The following PAK5 variants were observed in gnomAD, a reference collection of about 807,000 sequenced individuals.
PAK5 encodes the protein p21 (RAC1) activated kinase 5.
In PAK5, 16 loss-of-function variants were observed where a neutral mutation model predicts 65.9. That is an observed-to-expected ratio of 0.24 (90% CI 0.16 to 0.37). The LOEUF (loss-of-function observed/expected upper bound fraction) is 0.37, where lower values mean the gene tolerates loss of function less well. Ranked by LOEUF, PAK5 falls within the 10% of genes least tolerant of loss-of-function variation. PAK5 has a pLI of 1.00. For missense variants in PAK5, 785 were observed against 903.9 expected, an observed-to-expected ratio of 0.87 and a Z score of 1.69; for synonymous variants, 371 against 354.9, an observed-to-expected ratio of 1.05 and a Z score of -0.51.
rs575889963 is a variant in PAK5, at chr20:9,539,602, G to A, written c.2020C>T (p.Arg674Trp). The change falls in exon 10 of 10, where the codon CGG becomes TGG. Residue 674 changes from arginine to tryptophan, a missense_variant. Arg to Trp is a moderately radical substitution (Grantham distance 101). This residue lies in a region of PAK5 where 110 missense variants were observed against 107.4 expected (regional missense o/e 1.02). Transcript: ENST00000353224. ...ACCAACATCAAGTCTAGGAATCCCCGGAGCACTGAAGAAACCTGTGAAAAC... is the reference window on the plus strand; with the variant it reads ...ACCAACATCAAGTCTAGGAATCCCCAGAGCACTGAAGAAACCTGTGAAAAC... The part of the protein sequence containing the change: ...KDLHKVSSVL[R>W]GFLDLMLVRE... The A allele has an allele frequency of 3.0e-5, 48 of 1,613,310 alleles. No homozygotes were observed. The highest frequency in any genetic ancestry group is 3.6e-5 in the Non-Finnish European group (42 of 1,179,906).
At chr20:9,633,831 G>C (rs927342708) in intron 3 of PAK5, among the ~76,000 whole-genome samples, 1 of 152,328 alleles carries the variant, frequency 6.6e-6, no homozygotes, top group Middle Eastern at 3.4e-3. Context: ...ACCATGAGAA[G>C]AGGCCTTCAG....
chr20:9,708,678 C>G (rs560219544), intron 2 of PAK5, among the ~76,000 whole-genome samples: 16 of 152,256 alleles, frequency 1.1e-4, no homozygotes, highest in African/African-American at 3.1e-4. Context: ...AGGACTTCCT[C>G]TGGCTGCTGG....
Position 9,806,859 on chromosome 20 carries a change from T to C in PAK5, c.-162+31903A>G, listed in dbSNP as rs900238570. ...ATTTATTATTTTATAGTTCTGGATG[T>C]CAGAAGTACAGAATGGGTCTTATGC... On this transcript the variant is annotated intron_variant, in intron 1 of 9. Transcript: ENST00000353224. Among the ~76,000 whole-genome samples the C allele has an allele frequency of 2.0e-5, 3 of 152,302 alleles. No homozygotes were observed. In the East Asian group the frequency reaches 5.8e-4, roughly 29 times the overall value.
At chr20:9,753,709 T>C (rs750811049) in intron 1 of PAK5, among the ~76,000 whole-genome samples, 10 of 152,162 alleles carry the variant, frequency 6.6e-5, no homozygotes, top group African/African-American at 2.4e-4. Flanking sequence ...ATATATTTCT[T>C]ATGTTTTGCC....
chr20:9,569,935 C>T (rs2045748353), intron 4 of PAK5, among the ~76,000 whole-genome samples: 1 of 149,286 alleles, frequency 6.7e-6, no homozygotes, highest in South Asian at 2.1e-4. Context: ...TGCTAAGCTG[C>T]CCTCCTGCCC....
chr20:9,551,249 G>A (rs565445351), intron 7 of PAK5, among the ~76,000 whole-genome samples: 1 of 152,122 alleles, frequency 6.6e-6, no homozygotes, highest in Non-Finnish European at 1.5e-5. Flanking sequence ...TCACATAGAC[G>A]CTAAGCTGAG....
chr20:9,743,181 A>G (rs944004716), intron 1 of PAK5, among the ~76,000 whole-genome samples: 1 of 151,920 alleles, frequency 6.6e-6, no homozygotes, highest in African/African-American at 2.4e-5. Context: ...CAGCCTGGGT[A>G]ACACAGGGAG....
chr20:9,540,799 C>CAG (rs2045249830), intron 9 of PAK5, among the ~76,000 whole-genome samples: 1 of 149,658 alleles, frequency 6.7e-6, no homozygotes, highest in Non-Finnish European at 1.5e-5. Flanking sequence ...TGCAGTGGTG[C>CAG]GATCTGGGCT....
chr20:9,555,076 C>G (rs540534082), intron 7 of PAK5, among the ~76,000 whole-genome samples: 3 of 152,088 alleles, frequency 2.0e-5, no homozygotes, highest in Non-Finnish European at 2.9e-5. Context: ...GTTTATTTAT[C>G]TATTTGTTTA....
At chr20:9,654,643 C>A (rs1367874229) in intron 2 of PAK5, among the ~76,000 whole-genome samples, 2 of 152,146 alleles carry the variant, frequency 1.3e-5, no homozygotes, top group African/African-American at 4.8e-5. Flanking sequence ...TTTTCTATGA[C>A]TTCTCACCGA....
chr20:9,689,059 G>A (rs2047757630), intron 2 of PAK5, among the ~76,000 whole-genome samples: 1 of 152,172 alleles, frequency 6.6e-6, no homozygotes, highest in Non-Finnish European at 1.5e-5. Context: ...TATAAGAGAA[G>A]TGATATTTCA....
intron 1 of PAK5, among the ~76,000 whole-genome samples, chr20:9,755,334 A>C (rs2048621454): frequency 6.6e-6 from 1 of 152,206 alleles, no homozygotes. Flanking sequence ...GAAAACATCA[A>C]GTCTTTAAAT....
rs1373157241 is a variant in PAK5, at chr20:9,566,317, C to T, written c.1058G>A (p.Gly353Asp). ...PLSGSDTYPR[G>D]PAKLPQSQSK... ...TTGACTTTGAGGTAGTTTGGCAGGG[C>T]CCCTGGGGTAGGTGTCAGACCCTGA... The change falls in exon 5 of 10, where the codon GGC becomes GAC. Residue 353 changes from glycine (G) to aspartate (D), a missense_variant. Transcript: ENST00000353224. 3 of 1,613,468 alleles carry T rather than the reference C, an allele frequency of 1.9e-6. No homozygotes were observed. Among genetic ancestry groups the T allele is most frequent in the South Asian group, 2.2e-5 (2 of 91,074 alleles).
At chr20:9,745,857 G>A (rs572275297) in intron 1 of PAK5, among the ~76,000 whole-genome samples, 1 of 149,204 alleles carries the variant, frequency 6.7e-6, no homozygotes, top group East Asian at 2.0e-4. Context: ...AAAGAAGGGG[G>A]AATGCCAATG....
In PAK5 at chr20:9,609,148, G is replaced by C. The variant is rs1450690616; in HGVS notation, c.205-28218C>G. Among the ~76,000 whole-genome samples the C allele has an allele frequency of 3.3e-5, 5 of 152,248 alleles. No individual in the cohort carries two copies. The East Asian group carries it at 7.7e-4, about 24-fold the overall frequency. On this transcript the variant is annotated intron_variant, in intron 3 of 9. Transcript: ENST00000353224. Reference sequence around the variant, plus strand: ...TTGGCAACCACATGATGCTGGGTGGGAAGGGGAAAGCACTTTACACAGCCT... The same window carrying C: ...TTGGCAACCACATGATGCTGGGTGGCAAGGGGAAAGCACTTTACACAGCCT...
At chr20:9,568,873 C>T (rs1451158595) in intron 4 of PAK5, among the ~76,000 whole-genome samples, 1 of 152,082 alleles carries the variant, frequency 6.6e-6, no homozygotes, top group Non-Finnish European at 1.5e-5. Context: ...TAGAGAGGTC[C>T]ATGCAGCAAG....
At chr20:9,712,557 C>A (rs2048090895) in intron 1 of PAK5, among the ~76,000 whole-genome samples, 1 of 152,036 alleles carries the variant, frequency 6.6e-6, no homozygotes, top group Non-Finnish European at 1.5e-5. Context: ...CTCCGAATAA[C>A]TAAAGCAATG....
intron 2 of PAK5, among the ~76,000 whole-genome samples, chr20:9,666,522 A>G (rs2047421920): frequency 1.3e-5 from 2 of 152,052 alleles, no homozygotes; most frequent in African/African-American, 4.8e-5. Flanking sequence ...CGTGGAGACA[A>G]GTTCTGTTCC....
At chr20:9,701,202 T>C (rs972636162) in intron 2 of PAK5, among the ~76,000 whole-genome samples, 1 of 152,204 alleles carries the variant, frequency 6.6e-6, no homozygotes, top group East Asian at 1.9e-4. Context: ...GTTCCAAAAA[T>C]GAAAGTGTTC....
Sources: gnomAD v4.1 joint callset for allele counts (sites outside exome capture counted in the v4.1 genomes callset) on GRCh38, gnomAD v4.1.1 for gene constraint, gnomAD v4.1.1 regional missense constraint, MANE v1.5 for transcripts, NCBI Gene and HGNC (gene_info 2026-07-23, HGNC 2026-07-21) for gene names.